Variants in PDPN observed in about 807,000 individuals in gnomAD.
The protein encoded by PDPN is podoplanin.
PDPN carries 12 observed loss-of-function variants against 23.2 expected under a neutral mutation model. The observed-to-expected ratio is 0.52, with a 90% CI of 0.33 to 0.84. The LOEUF (loss-of-function observed/expected upper bound fraction) is 0.84, where lower values mean the gene tolerates loss of function less well. Among genes scored for constraint, PDPN ranks in the 40% least tolerant of loss-of-function variants. PDPN has a pLI of 0.02. For missense variants in PDPN, 199 were observed against 212.2 expected, an observed-to-expected ratio of 0.94 and a Z score of 0.39; for synonymous variants, 77 against 76.7, an observed-to-expected ratio of 1.00 and a Z score of -0.02.
intron 1 of PDPN, among the ~76,000 whole-genome samples, chr1:13,589,949 T>TC (rs1381149836): frequency 5.9e-5 from 9 of 152,136 alleles, no homozygotes; most frequent in African/African-American, 2.2e-4. Flanking sequence ...TGCCTCAGCC[T>TC]CCCTAGTAGC....
At chr1:13,597,662 A>T (rs1301145889) in intron 1 of PDPN, among the ~76,000 whole-genome samples, 1 of 152,142 alleles carries the variant, frequency 6.6e-6, no homozygotes, top group Non-Finnish European at 1.5e-5. Flanking sequence ...TGTTCAGTAG[A>T]TCTGTTTCTA....
At chr1:13,614,833 A>C (rs1349277243) in intron 5 of PDPN, 1 of 518,172 alleles carries the variant, frequency 1.9e-6, no homozygotes, top group Admixed American at 1.9e-5. Flanking sequence ...ACTACATCTG[A>C]AGTTTCCCCA....
At chr1:13,610,604 TA>T in intron 3 of PDPN, 88 bp downstream of exon 3, 1 of 1,306,678 alleles carries the variant, frequency 7.7e-7, no homozygotes, top group South Asian at 1.3e-5. Flanking sequence ...GAATAATCAA[TA>T]GGGGGCATAT....
intron 5 of PDPN, among the ~76,000 whole-genome samples, chr1:13,615,354 C>T (rs995925285): frequency 3.3e-5 from 5 of 150,550 alleles, no homozygotes; most frequent in Admixed American, 6.6e-5. Context: ...AGTGCGATCT[C>T]GGCTCACTGC....
At chr1:13,613,405 A>G (rs1273113504) in intron 3 of PDPN, among the ~76,000 whole-genome samples, 1 of 152,166 alleles carries the variant, frequency 6.6e-6, no homozygotes, top group Non-Finnish European at 1.5e-5. Flanking sequence ...TTTGTGGCTC[A>G]GTTTCCTTTA....
intron 1 of PDPN, among the ~76,000 whole-genome samples, chr1:13,606,939 A>T (rs1640803314): frequency 6.6e-6 from 1 of 152,192 alleles, no homozygotes; most frequent in South Asian, 2.1e-4. Context: ...TCTACCTTTT[A>T]ATGTTTTCAT....
intron 2 of PDPN, among the ~76,000 whole-genome samples, chr1:13,609,793 G>A (rs2100274628): frequency 6.6e-6 from 1 of 152,326 alleles, no homozygotes; most frequent in African/African-American, 2.4e-5. Context: ...CAGGCTGGGT[G>A]TGGTGGCTCA....
intron 1 of PDPN, among the ~76,000 whole-genome samples, chr1:13,587,408 A>T (rs1201290136): frequency 2.0e-5 from 3 of 152,174 alleles, no homozygotes; most frequent in Admixed American, 6.6e-5. Context: ...GCTTATCTGA[A>T]TATTTGTCAT....
At chr1:13,596,213 A>G (rs2100229568) in intron 1 of PDPN, among the ~76,000 whole-genome samples, 1 of 152,014 alleles carries the variant, frequency 6.6e-6, no homozygotes, top group South Asian at 2.1e-4. Context: ...AAAAAAAAAA[A>G]AAAAGTTCTA....
intron 3 of PDPN, among the ~76,000 whole-genome samples, 168 bp from the exon 4 acceptor site, chr1:13,613,519 C>T (rs1767681): frequency 0.7 from 105,950 of 151,074 alleles, 37,510 homozygotes; most frequent in Admixed American, 0.77. Flanking sequence ...AAAGACAGTG[C>T]CACATCGGGG....
intron 1 of PDPN, chr1:13,595,788 G>T (rs1170047681): frequency 1.0e-6 from 1 of 997,540 alleles, no homozygotes; most frequent in Admixed American, 2.3e-5. Flanking sequence ...CTTTGCAGGT[G>T]CCGTGCTATC....
At chr1:13,608,536 T>C (rs1640851483) in intron 2 of PDPN, among the ~76,000 whole-genome samples, 1 of 152,212 alleles carries the variant, frequency 6.6e-6, no homozygotes, top group Admixed American at 6.5e-5. Flanking sequence ...CCCAGATCTT[T>C]CCATGGCTGA....
chr1:13,608,125 A>AAGTC (rs1278897677), intron 2 of PDPN, among the ~76,000 whole-genome samples: 4 of 151,404 alleles, frequency 2.6e-5, no homozygotes, highest in African/African-American at 9.7e-5. Context: ...ATAAATAAAT[A>AAGTC]AGTCAGTCAG....
At chr1:13,586,510 A>G (rs1357052450) in intron 1 of PDPN, among the ~76,000 whole-genome samples, 1 of 152,124 alleles carries the variant, frequency 6.6e-6, no homozygotes, top group African/African-American at 2.4e-5. Flanking sequence ...AATGAGCAGC[A>G]CGCGAGTGAC....
rs1444094703 is a variant in PDPN, at chr1:13,610,480, G to A, written c.295G>A (p.Ala99Thr). ...CCACGCGCAAGAACAAAGTCCAAGC[G>A]CCACAGCCTCAAACGTGGCCACCAG... ...TVHAQEQSPS[A>T]TASNVATSHS... The change falls in exon 3 of 6, where the codon GCC (alanine) becomes ACC (threonine). Residue 99 changes from alanine (A) to threonine (T), a missense_variant. Physicochemically the swap from Ala to Thr is moderately conservative, Grantham distance 58. Transcript: ENST00000621990. 4.3e-6 allele frequency: 7 copies of A among 1,613,770 alleles called. No individual in the cohort carries two copies. The highest frequency in any genetic ancestry group is 4.0e-5 in the African/African-American group (3 of 74,874).
chr1:13,616,139 T>C lies in PDPN; in HGVS notation c.*228T>C. The C allele has an allele frequency of 1.7e-6, 1 of 575,754 alleles. No homozygotes were observed. The highest frequency in any genetic ancestry group is 2.2e-5 in the South Asian group (1 of 45,288). The allele number at this position is 575,754 out of a possible 1,614,324, so 35.7% of individuals were successfully genotyped here. On this transcript the variant is annotated 3_prime_UTR_variant, in exon 6 of 6. Coordinates refer to ENST00000621990, the MANE Select transcript of PDPN (RefSeq NM_006474.5). ...TTCAAACATGTTTTTGAATATACATTCTATAAAAGATTATTTGAAAGACAA... is the reference window on the plus strand; with the variant it reads ...TTCAAACATGTTTTTGAATATACATCCTATAAAAGATTATTTGAAAGACAA...
Position 13,615,893 on chromosome 1 carries a change from C to G in PDPN, c.483-12C>G. 6.2e-7 allele frequency: 1 copy of G among 1,612,934 alleles called. No homozygotes were observed. Among genetic ancestry groups the G allele is most frequent in the South Asian group, 1.1e-5 (1 of 91,050 alleles). ...TAAGAGACACGACCGTCACCCTTCT[C>G]TATTTTCACAGGCCCTAAAGAGCTG... is the stretch of plus-strand genomic sequence containing the variant. On this transcript the variant is annotated splice_polypyrimidine_tract_variant and intron_variant, in intron 5 of 5. Coordinates refer to ENST00000621990, the MANE Select transcript of PDPN (RefSeq NM_006474.5).
intron 1 of PDPN, among the ~76,000 whole-genome samples, chr1:13,601,531 AT>A (rs1640639727): frequency 6.6e-6 from 1 of 152,078 alleles, no homozygotes; most frequent in South Asian, 2.1e-4. Context: ...TAATTTTTGT[AT>A]TTTTAGTAGG....
At chr1:13,599,544 C>G (rs1358805857) in intron 1 of PDPN, among the ~76,000 whole-genome samples, 1 of 151,890 alleles carries the variant, frequency 6.6e-6, no homozygotes, top group Non-Finnish European at 1.5e-5. Flanking sequence ...CACCATCACG[C>G]CTGGCTAATG....
Sources: allele counts gnomAD v4.1 joint callset (sites outside exome capture counted in the v4.1 genomes callset), GRCh38; gene constraint gnomAD v4.1.1; transcripts MANE v1.5; gene names NCBI Gene and HGNC (gene_info 2026-07-23, HGNC 2026-07-21).